Variants in GATAD1 observed in about 807,000 individuals in gnomAD.
GATAD1 encodes the protein GATA zinc finger domain-containing protein 1.
GATAD1 carries 12 observed loss-of-function variants against 26.5 expected under a neutral mutation model. The observed-to-expected ratio is 0.45, with a 90% CI of 0.29 to 0.73. The LOEUF is 0.73. Among genes scored for constraint, GATAD1 ranks in the 30% least tolerant of loss-of-function variants. The pLI is 0.10. For missense variants in GATAD1, 266 were observed against 342.1 expected (o/e 0.78, Z 1.75); for synonymous variants, 129 against 133.1 (o/e 0.97, Z 0.21).
chr7:92,473,989 G>A, the GATAD1 span, among the ~76,000 whole-genome samples: 1 of 152,096 alleles, frequency 6.6e-6, no homozygotes, highest in Non-Finnish European at 1.5e-5. Context: ...GGGCATGGAC[G>A]AGGGGGCGGC....
At chr7:92,464,669 A>G (rs1790036525), downstream of GATAD1, among the ~76,000 whole-genome samples, 1 of 152,232 alleles carries the variant, frequency 6.6e-6, no homozygotes, top group African/African-American at 2.4e-5. Context: ...AAACTGGTCT[A>G]ACTGCTGCAT....
the GATAD1 span, among the ~76,000 whole-genome samples, chr7:92,466,195 C>A: frequency 1.3e-5 from 2 of 151,786 alleles, no homozygotes; most frequent in African/African-American, 4.8e-5. Context: ...GAAACAGGTT[C>A]TTGCACTGTC....
chr7:92,491,603 A>G, the GATAD1 span: 1 of 729,058 alleles, frequency 1.4e-6, no homozygotes, highest in Non-Finnish European at 2.4e-6. Flanking sequence ...AATACAAGAA[A>G]CTTAGAAGCA....
In GATAD1 at chr7:92,447,487, C is replaced by T; in HGVS notation, c.-243C>T. On this transcript the variant is annotated 5_prime_UTR_variant, in exon 1 of 5. Transcript: ENST00000287957. Reference sequence around the variant, plus strand: ...CCCCCACCCCGGCCAGATCCCTTTCCCAGTCCTGCTTCCCAGTGCCTCGGG... The same window carrying T: ...CCCCCACCCCGGCCAGATCCCTTTCTCAGTCCTGCTTCCCAGTGCCTCGGG... 6.2e-6 allele frequency: 2 copies of T among 324,832 alleles called. No individual in the cohort carries two copies. Among genetic ancestry groups the T allele is most frequent in the South Asian group, 1.3e-4 (2 of 14,966 alleles). 20.1% of individuals were successfully genotyped at this position (324,832 alleles called of 1,614,324 possible).
At chr7:92,472,290 A>T in the GATAD1 span, 1 of 152,230 alleles carries the variant, frequency 6.6e-6, no homozygotes, top group Non-Finnish European at 1.5e-5. Flanking sequence ...AGCAGTGAGT[A>T]TGCCATTCAC....
the GATAD1 span, among the ~76,000 whole-genome samples, chr7:92,468,111 G>C: frequency 6.6e-6 from 1 of 152,216 alleles, no homozygotes; most frequent in Non-Finnish European, 1.5e-5. Flanking sequence ...ATTAGAAGCT[G>C]TGGGTCACAG....
At chr7:92,462,530 A>G (rs1036708216), downstream of GATAD1, among the ~76,000 whole-genome samples, 1 of 152,222 alleles carries the variant, frequency 6.6e-6, no homozygotes, top group Non-Finnish European at 1.5e-5. Context: ...TCCACTACTT[A>G]CGTAGTCAGG....
chr7:92,474,199 TA>T, the GATAD1 span, among the ~76,000 whole-genome samples: 1 of 152,210 alleles, frequency 6.6e-6, no homozygotes, highest in South Asian at 2.1e-4. Flanking sequence ...ATCTCTATTA[TA>T]AAAAACCGAG....
At chr7:92,466,834 G>A in the GATAD1 span, among the ~76,000 whole-genome samples, 1 of 152,132 alleles carries the variant, frequency 6.6e-6, no homozygotes, top group Non-Finnish European at 1.5e-5. Flanking sequence ...GTGGGGGAGT[G>A]TGGAAACAGG....
chr7:92,449,509 G>C, intron 2 of GATAD1: 1 of 976,804 alleles, frequency 1.0e-6, no homozygotes, highest in Non-Finnish European at 1.2e-6. Context: ...AAACACAGTG[G>C]ACAGTGCATT....
the GATAD1 span, chr7:92,491,729 G>A: frequency 2.0e-6 from 1 of 488,498 alleles, no homozygotes; most frequent in Non-Finnish European, 3.7e-6. Flanking sequence ...CATCCCCCAA[G>A]AAAGTCTGTA....
chr7:92,490,974 A>G, the GATAD1 span, among the ~76,000 whole-genome samples: 2 of 152,238 alleles, frequency 1.3e-5, no homozygotes, highest in Non-Finnish European at 2.9e-5. Flanking sequence ...TAAGTTTACT[A>G]TAAAATGGAA....
chr7:92,448,837 C>G lies in GATAD1; in HGVS notation c.335C>G (p.Thr112Ser). The G allele has an allele frequency of 6.2e-7, 1 of 1,611,328 alleles. No individual in the cohort carries two copies. The highest frequency in any genetic ancestry group is 2.2e-5 in the East Asian group (1 of 44,858). ...CCGGCTGCTGAAAAGAAAGTCTCCA[C>G]CAAAGGAAAAGGGAGAAGACATATA... is the stretch of plus-strand genomic sequence containing the variant. ...SAPAAEKKVS[T>S]KGKGRRHIFK... The change falls in exon 2 of 5, where the codon ACC (threonine) becomes AGC (serine). Residue 112 changes from threonine to serine, a missense_variant. Physicochemically the swap from Thr to Ser is moderately conservative, Grantham distance 58 (BLOSUM62 1). Transcript: ENST00000287957.
chr7:92,493,262 T>C, the GATAD1 span: 3 of 544,196 alleles, frequency 5.5e-6, no homozygotes, highest in South Asian at 6.0e-5. Context: ...TTGAGAAATG[T>C]ACCAACAGCC....
downstream of GATAD1, among the ~76,000 whole-genome samples, chr7:92,462,713 G>A (rs190154889): frequency 1.4e-3 from 217 of 152,316 alleles, 2 homozygotes; most frequent in African/African-American, 4.8e-3. Context: ...AGATTTCTAC[G>A]AGGTCATGAG....
At chr7:92,467,635 G>A in the GATAD1 span, among the ~76,000 whole-genome samples, 2 of 152,362 alleles carry the variant, frequency 1.3e-5, no homozygotes, top group African/African-American at 4.8e-5. Context: ...GCTTACTATT[G>A]TAAGGGAGAG....
the GATAD1 span, chr7:92,493,092 G>C: frequency 5.0e-6 from 8 of 1,612,034 alleles, no homozygotes; most frequent in Admixed American, 8.3e-5. Flanking sequence ...CAGAGGTAGA[G>C]AGTCACTGAG....
the GATAD1 span, chr7:92,491,724 C>T: frequency 2.0e-6 from 1 of 495,868 alleles, no homozygotes. Context: ...CCAACCATCC[C>T]CCAAGAAAGT....
chr7:92,494,253 G>T, the GATAD1 span: 2 of 1,380,626 alleles, frequency 1.4e-6, no homozygotes, highest in Non-Finnish European at 2.1e-6. Context: ...AAAGAGTGTA[G>T]CATTTGTTGG....
Sources: gnomAD v4.1 joint callset for allele counts (sites outside exome capture counted in the v4.1 genomes callset) on GRCh38, gnomAD v4.1.1 for gene constraint, MANE v1.5 for transcripts, NCBI Gene and HGNC (gene_info 2026-07-23, HGNC 2026-07-21) for gene names.